The following LRRTM4 variants were observed in gnomAD, a reference collection of about 807,000 sequenced individuals.
LRRTM4 encodes the protein leucine-rich repeat transmembrane neuronal protein 4.
In LRRTM4, 25 loss-of-function variants were observed where a neutral mutation model predicts 47.6. That is an observed-to-expected ratio of 0.53 (90% CI 0.38 to 0.73). The LOEUF (loss-of-function observed/expected upper bound fraction) is 0.73. Among genes scored for constraint, LRRTM4 ranks in the 30% least tolerant of loss-of-function variants. The pLI is 0.00. For synonymous variants in LRRTM4, 311 were observed against 269.5 expected (o/e 1.15, Z -1.51); for missense variants, 638 against 713.4 (o/e 0.89, Z 1.20).
intron 3 of LRRTM4, among the ~76,000 whole-genome samples, chr2:76,845,028 C>T (rs1211036120): frequency 6.6e-6 from 1 of 152,032 alleles, no homozygotes; most frequent in African/African-American, 2.4e-5. Context: ...GCCACAAAAA[C>T]CTAAAGCTTC....
At chr2:77,303,205 G>A (rs1287550084) in intron 3 of LRRTM4, among the ~76,000 whole-genome samples, 2 of 151,836 alleles carry the variant, frequency 1.3e-5, no homozygotes, top group Non-Finnish European at 2.9e-5. Context: ...AGGTTGCAGT[G>A]AGCCAAGATC....
rs556472388 is a variant in LRRTM4 at position 77,400,293 on chromosome 2, T to G, written c.1551+118025A>C. 3.3e-3 allele frequency among the ~76,000 whole-genome samples: 500 copies of G among 151,922 alleles called. 2 individuals carry two copies. Among genetic ancestry groups the G allele is most frequent in the African/African-American group, 0.012 (478 of 41,506 alleles). On this transcript the variant is annotated intron_variant, in intron 3 of 3. Transcript: ENST00000409884. ...TATTGCCTACAGCTGAGTAATTGGC[T>G]CTACAATTTGCTCTAATGACTACAG...
Position 77,408,804 on chromosome 2 carries a change from C to T in LRRTM4, c.1551+109514G>A, listed in dbSNP as rs147767888. On this transcript the variant is annotated intron_variant, in intron 3 of 3. Coordinates refer to ENST00000409884, the MANE Select transcript of LRRTM4 (RefSeq NM_001134745.3). ...GAAATTATGCCTGTATTCAATCCCCCGGTGTCTAATACAGGTATTATAATA... is the reference window on the plus strand; with the variant it reads ...GAAATTATGCCTGTATTCAATCCCCTGGTGTCTAATACAGGTATTATAATA... Among the ~76,000 whole-genome samples the T allele has an allele frequency of 3.7e-3, 565 of 152,196 alleles. 3 individuals are homozygous for T. The highest frequency in any genetic ancestry group is 0.013 in the African/African-American group (529 of 41,516).
chr2:76,757,985 G>A (rs750898023), intron 3 of LRRTM4, among the ~76,000 whole-genome samples: 11 of 152,170 alleles, frequency 7.2e-5, no homozygotes, highest in Non-Finnish European at 1.6e-4. Context: ...AGGTGTAATC[G>A]GCATTACAGA....
At chr2:77,008,938 G>GAAAAAAAAAAAAAAAAAAAAAAAAA in intron 3 of LRRTM4, 1 of 81,886 alleles carries the variant, frequency 1.2e-5, no homozygotes, top group South Asian at 4.0e-4. Flanking sequence ...GAGCCAACAA[G>GAAAAAAAAAAAAAAAAAAAAAAAAA]AAAAAAAAGA....
chr2:76,997,413 A>G (rs908939009), intron 3 of LRRTM4, among the ~76,000 whole-genome samples: 10 of 146,514 alleles, frequency 6.8e-5, no homozygotes, highest in African/African-American at 2.5e-4. Flanking sequence ...TGTTTTATTC[A>G]GCATGACTCA....
At chr2:77,490,340 G>C (rs1458937891) in intron 3 of LRRTM4, among the ~76,000 whole-genome samples, 1 of 151,878 alleles carries the variant, frequency 6.6e-6, no homozygotes, top group East Asian at 1.9e-4. Flanking sequence ...AAAAAGAAAA[G>C]TGTTATAAAA....
intron 3 of LRRTM4, among the ~76,000 whole-genome samples, chr2:77,391,756 A>G (rs532016157): frequency 6.6e-5 from 10 of 152,070 alleles, no homozygotes; most frequent in South Asian, 6.2e-4. Context: ...AGTTCAGGCC[A>G]TGATTATTAC....
intron 3 of LRRTM4, among the ~76,000 whole-genome samples, chr2:77,068,798 T>C (rs1260648258): frequency 6.6e-6 from 1 of 152,228 alleles, no homozygotes; most frequent in Non-Finnish European, 1.5e-5. Context: ...ACAAAATCTC[T>C]ACAGCACTGT....
At chr2:77,402,360 G>T (rs560951246) in intron 3 of LRRTM4, among the ~76,000 whole-genome samples, 21 of 151,952 alleles carry the variant, frequency 1.4e-4, no homozygotes, top group Non-Finnish European at 1.0e-4. Context: ...TGTTGCCCAG[G>T]TTGGTCTCAA....
At chr2:77,133,957 G>T (rs1671867508) in intron 3 of LRRTM4, among the ~76,000 whole-genome samples, 1 of 152,088 alleles carries the variant, frequency 6.6e-6, no homozygotes, top group Non-Finnish European at 1.5e-5. Flanking sequence ...TTAAAAGTTA[G>T]TTCTGTCAAA....
chr2:77,121,887 T>G (rs1018993599), intron 3 of LRRTM4, among the ~76,000 whole-genome samples: 3 of 152,010 alleles, frequency 2.0e-5, no homozygotes, highest in African/African-American at 4.8e-5. Context: ...TGTAATAACT[T>G]ATCATAAATC....
chr2:77,389,088 T>C (rs1223885417), intron 3 of LRRTM4, among the ~76,000 whole-genome samples: 1 of 152,100 alleles, frequency 6.6e-6, no homozygotes, highest in Non-Finnish European at 1.5e-5. Context: ...TTAAGTTTTA[T>C]GAAAATCATG....
At chr2:77,477,190 T>A (rs1677434757) in intron 3 of LRRTM4, among the ~76,000 whole-genome samples, 2 of 152,154 alleles carry the variant, frequency 1.3e-5, no homozygotes, top group Admixed American at 1.3e-4. Context: ...ACGATCATGA[T>A]GAAATCATTA....
At chr2:77,461,503 C>T (rs1191231959) in intron 3 of LRRTM4, among the ~76,000 whole-genome samples, 1 of 152,046 alleles carries the variant, frequency 6.6e-6, no homozygotes, top group South Asian at 2.1e-4. Context: ...ATACCCATTC[C>T]CTACCTCTAA....
intron 3 of LRRTM4, among the ~76,000 whole-genome samples, chr2:77,465,970 C>A (rs929130304): frequency 2.6e-5 from 4 of 152,104 alleles, no homozygotes; most frequent in African/African-American, 9.7e-5. Flanking sequence ...TTTTCCTTTG[C>A]ACTTCTGTTT....
chr2:77,295,865 A>C (rs1676959532), intron 3 of LRRTM4, among the ~76,000 whole-genome samples: 1 of 152,146 alleles, frequency 6.6e-6, no homozygotes. Context: ...GTCTCCAAAT[A>C]CTGAGATATT....
chr2:77,166,835 C>T (rs1672900367), intron 3 of LRRTM4, among the ~76,000 whole-genome samples: 1 of 152,118 alleles, frequency 6.6e-6, no homozygotes, highest in Non-Finnish European at 1.5e-5. Flanking sequence ...AAATGTTACA[C>T]CTAAAACCAT....
At chr2:76,784,999 A>G (rs150271684) in intron 3 of LRRTM4, among the ~76,000 whole-genome samples, 1 of 151,966 alleles carries the variant, frequency 6.6e-6, no homozygotes, top group Non-Finnish European at 1.5e-5. Context: ...ATTTTATCCA[A>G]ATTTCATATG....
Sources: allele counts gnomAD v4.1 joint callset (sites outside exome capture counted in the v4.1 genomes callset), GRCh38; gene constraint gnomAD v4.1.1; transcripts MANE v1.5; gene names NCBI Gene and HGNC (gene_info 2026-07-23, HGNC 2026-07-21).